The following PLXNA1 variants were observed in gnomAD, a reference collection of about 807,000 sequenced individuals.
The protein encoded by PLXNA1 is plexin-A1.
In PLXNA1, 77 loss-of-function variants were observed where a neutral mutation model predicts 191.7. The ratio of observed to expected loss-of-function variants is 0.40; its 90% CI spans 0.33 to 0.49. The LOEUF is 0.49. Ranked by LOEUF, PLXNA1 falls within the 20% of genes least tolerant of loss-of-function variation. The pLI, the probability that PLXNA1 is intolerant of heterozygous loss-of-function variation, is 0.63. For synonymous variants in PLXNA1, 1,137 were observed against 1,156.4 expected, an observed-to-expected ratio of 0.98 and a Z score of 0.34; for missense variants, 2,110 against 2,660.2, an observed-to-expected ratio of 0.79 and a Z score of 4.55.
intron 4 of PLXNA1, 23 bp downstream of exon 4, chr3:127,003,493 G>A (rs759057173): frequency 1.7e-5 from 27 of 1,573,926 alleles, no homozygotes; most frequent in Middle Eastern, 3.4e-4. Flanking sequence ...CCAGTCAGAC[G>A]GTGTGGCTGA....
intron 7 of PLXNA1, 114 bp downstream of exon 7, chr3:127,005,357 T>C: frequency 1.5e-6 from 2 of 1,312,486 alleles, no homozygotes; most frequent in Non-Finnish European, 2.1e-6. Flanking sequence ...TTGGTGACAC[T>C]CTGACAGCTG....
At chr3:126,983,888 C>G (rs1246228146) in intron 1 of PLXNA1, among the ~76,000 whole-genome samples, 1 of 152,148 alleles carries the variant, frequency 6.6e-6, no homozygotes, top group Non-Finnish European at 1.5e-5. Context: ...GGCCCTGGGG[C>G]GCGGGGTGGA....
At position 127,030,353 on chromosome 3, in the gene PLXNA1, G is replaced by T. The variant is rs200487603; in HGVS notation, c.5172G>T (p.Glu1724Asp). 7 of 1,614,052 alleles carry T rather than the reference G, an allele frequency of 4.3e-6. No individual in the cohort carries two copies. Among genetic ancestry groups the T allele is most frequent in the Non-Finnish European group, 5.9e-6 (7 of 1,180,020 alleles). The change falls in exon 29 of 32, where the codon GAG becomes GAT. Residue 1724 changes from glutamate (E) to aspartate (D), a missense_variant. Glu to Asp is a conservative substitution (Grantham distance 45, BLOSUM62 2). Transcript: ENST00000393409. ...AIKYMFDFLD[E>D]QADKHQIHDA... ...AGTACATGTTCGACTTCCTGGATGAGCAGGCCGACAAGCACCAGATCCACG... is the reference window on the plus strand; with the variant it reads ...AGTACATGTTCGACTTCCTGGATGATCAGGCCGACAAGCACCAGATCCACG...
intron 3 of PLXNA1, among the ~76,000 whole-genome samples, chr3:127,002,556 G>C (rs1210639503): frequency 1.3e-5 from 2 of 152,188 alleles, no homozygotes; most frequent in Non-Finnish European, 2.9e-5. Context: ...GAGGTAGAGC[G>C]GGAGCAGGAG....
intron 9 of PLXNA1, 101 bp from the exon 10 acceptor site, chr3:127,011,857 C>A: frequency 8.9e-7 from 1 of 1,127,628 alleles, no homozygotes; most frequent in Non-Finnish European, 1.3e-6. Flanking sequence ...TGGTGCTTGG[C>A]TGGGAGCACC....
Position 126,989,704 on chromosome 3 carries a change from G to C in PLXNA1, c.1111G>C (p.Glu371Gln). Residue 371 changes from glutamate to glutamine, a missense_variant, in exon 2 of 32, where the codon GAG becomes CAG. Physicochemically the swap from Glu to Gln is conservative, Grantham distance 29 (BLOSUM62 2). This residue lies in a region of PLXNA1 where 903 missense variants were observed against 1,015.7 expected (regional missense o/e 0.89). Transcript: ENST00000393409. ...CAGGGCCATCAAGGAGAAGATTAAG[G>C]AGCGCATCCAGTCCTGCTACCGTGG... ...TLRAIKEKIK[E>Q]RIQSCYRGEG... 2 of 1,613,106 alleles carry C rather than the reference G, an allele frequency of 1.2e-6. No individual in the cohort carries two copies. The highest frequency in any genetic ancestry group is 1.7e-6 in the Non-Finnish European group (2 of 1,180,022).
chr3:127,000,379 G>A (rs1375342952), intron 3 of PLXNA1, among the ~76,000 whole-genome samples: 2 of 152,104 alleles, frequency 1.3e-5, no homozygotes, highest in Non-Finnish European at 2.9e-5. Context: ...GCCTCCAGGC[G>A]GGTGGCCCGA....
Position 127,014,242 on chromosome 3 carries a change from C to T in PLXNA1, c.2471C>T (p.Pro824Leu), listed in dbSNP as rs376695682. Residue 824 changes from proline to leucine, a missense_variant, in exon 12 of 32, where the codon CCG becomes CTG. By Grantham distance (98) the Pro-to-Leu change is moderately conservative. Transcript: ENST00000393409. The stretch of plus-strand genomic sequence containing the variant: ...TGCGGCCTCTGCCTCAAGGCCGACC[C>T]GCGCTTCGAGTGCGGATGGTGCGTG... Reference protein sequence around the residue: ...ESCGLCLKADPRFECGWCVAE... With the variant: ...ESCGLCLKADLRFECGWCVAE... 3.7e-5 allele frequency: 60 copies of T among 1,603,588 alleles called. No individual in the cohort carries two copies. The highest frequency in any genetic ancestry group is 1.1e-4 in the East Asian group (5 of 44,428).
chr3:127,017,213 A>G (rs2079128239), intron 17 of PLXNA1, among the ~76,000 whole-genome samples, 176 bp downstream of exon 17: 2 of 152,150 alleles, frequency 1.3e-5, no homozygotes, highest in African/African-American at 4.8e-5. Flanking sequence ...TGGCGGGTAG[A>G]AGGTCTGGCT....
chr3:127,003,813 G>A (rs2079052737), intron 4 of PLXNA1, among the ~76,000 whole-genome samples: 1 of 152,248 alleles, frequency 6.6e-6, no homozygotes. Flanking sequence ...GTCACTGGAG[G>A]GTTTGGGGTG....
chr3:127,009,524 A>C, intron 9 of PLXNA1, among the ~76,000 whole-genome samples: 1 of 151,132 alleles, frequency 6.6e-6, no homozygotes, highest in Non-Finnish European at 1.5e-5. Flanking sequence ...GTCCTCCGGG[A>C]CTCAGGGAAC....
chr3:127,004,729 G>A lies in PLXNA1; in HGVS notation c.1619+18G>A. ...CACAGCATGTGAGTCTGGGCAGGTG[G>A]GCAGGGGCAGGCGGGGAGGGCCATG... On this transcript the variant is annotated intron_variant, in intron 5 of 31. Transcript: ENST00000393409. 1 of 1,583,692 alleles carries A rather than the reference G, an allele frequency of 6.3e-7. No homozygotes were observed. The highest frequency in any genetic ancestry group is 8.6e-7 in the Non-Finnish European group (1 of 1,164,770).
At chr3:126,995,673 G>A (rs971497510) in intron 3 of PLXNA1, among the ~76,000 whole-genome samples, 5 of 152,230 alleles carry the variant, frequency 3.3e-5, no homozygotes, top group Admixed American at 6.5e-5. Context: ...TTAAATCCAC[G>A]TTGTAAGAGA....
chr3:127,016,361 C>T (rs990638468), intron 15 of PLXNA1, among the ~76,000 whole-genome samples, 156 bp from the exon 16 acceptor site: 1 of 152,172 alleles, frequency 6.6e-6, no homozygotes, highest in African/African-American at 2.4e-5. Flanking sequence ...CAGACATGCA[C>T]AGCCCTGGGA....
rs2078990171 is a variant in PLXNA1 at position 126,991,504 on chromosome 3, G to A, written c.1315G>A (p.Ala439Thr). Residue 439 changes from alanine to threonine, a missense_variant, in exon 3 of 32, where the codon GCC becomes ACC. Physicochemically the swap from Ala to Thr is moderately conservative, Grantham distance 58 (BLOSUM62 0). Around this residue, in one of 4 missense-constraint regions of PLXNA1, gnomAD observed 903 missense variants for 1,015.7 expected, o/e 0.89. Coordinates refer to ENST00000393409, the MANE Select transcript of PLXNA1 (RefSeq NM_032242.4). ...GGATGATGGCCTGACCGCCGTGGCT[G>A]CCTATGACTATCGGGGCCGCACTGT... ...DKDDGLTAVA[A>T]YDYRGRTVVF... is the part of the protein sequence containing the mutation. 8.7e-6 allele frequency: 14 copies of A among 1,612,344 alleles called. No homozygotes were observed. The highest frequency in any genetic ancestry group is 1.1e-5 in the Non-Finnish European group (13 of 1,179,556).
chr3:126,984,321 C>T (rs967483050), intron 1 of PLXNA1, among the ~76,000 whole-genome samples: 2 of 152,212 alleles, frequency 1.3e-5, no homozygotes, highest in African/African-American at 2.4e-5. Context: ...GGGACGTGGT[C>T]GAGCCTCTGT....
At chr3:126,988,285 C>A (rs546808504) in intron 1 of PLXNA1, among the ~76,000 whole-genome samples, 29 of 152,310 alleles carry the variant, frequency 1.9e-4, no homozygotes, top group Middle Eastern at 3.4e-3. Flanking sequence ...GGCACAGGTG[C>A]CAACGGAGTG....
chr3:127,016,703 C>T lies in PLXNA1; in HGVS notation c.3182+19C>T, dbSNP rs1206283161. The T allele has an allele frequency of 6.2e-7, 1 of 1,613,284 alleles. No homozygotes were observed. Among genetic ancestry groups the T allele is most frequent in the Non-Finnish European group, 8.5e-7 (1 of 1,179,516 alleles). Reference sequence around the variant, plus strand: ...TCAACAGGTGGGGCCCAGCAACACCCATTCCCTATCCCCAGCTATTGAGAG... The same window carrying T: ...TCAACAGGTGGGGCCCAGCAACACCTATTCCCTATCCCCAGCTATTGAGAG... On this transcript the variant is annotated intron_variant, in intron 16 of 31. Coordinates refer to ENST00000393409, the MANE Select transcript of PLXNA1 (RefSeq NM_032242.4).
At chr3:127,011,873 C>T in intron 9 of PLXNA1, 85 bp from the exon 10 acceptor site, 1 of 1,270,522 alleles carries the variant, frequency 7.9e-7, no homozygotes, top group South Asian at 1.3e-5. Flanking sequence ...GCACCACAGG[C>T]CCAGTGCACA....
Sources: allele counts gnomAD v4.1 joint callset (sites outside exome capture counted in the v4.1 genomes callset), GRCh38; gene constraint gnomAD v4.1.1; regional missense constraint gnomAD v4.1.1; transcripts MANE v1.5; gene names NCBI Gene and HGNC (gene_info 2026-07-23, HGNC 2026-07-21).